LRRC7: variants seen among roughly 807,000 people sequenced by gnomAD.
LRRC7 encodes leucine-rich repeat-containing protein 7.
Under a neutral mutation model 175.7 loss-of-function variants are expected in LRRC7, and 23 were observed. That is an observed-to-expected ratio of 0.13 (90% CI 0.09 to 0.19). LRRC7 has a LOEUF of 0.19. Among genes scored for constraint, LRRC7 ranks in the 10% least tolerant of loss-of-function variants. The pLI is 1.00. For synonymous variants in LRRC7, 685 were observed against 680.9 expected (o/e 1.01, Z -0.09); for missense variants, 1,354 against 1,904.7 (o/e 0.71, Z 5.38).
intron 7 of LRRC7, among the ~76,000 whole-genome samples, chr1:69,878,028 G>A (rs2101601766): frequency 1.3e-5 from 2 of 152,226 alleles, no homozygotes; most frequent in South Asian, 4.1e-4. Flanking sequence ...GAGTCAGCTG[G>A]AGTAGAAGAA....
At chr1:69,684,361 G>A (rs1570343761) in intron 2 of LRRC7, among the ~76,000 whole-genome samples, 4 of 144,962 alleles carry the variant, frequency 2.8e-5, no homozygotes, top group African/African-American at 7.5e-5. Flanking sequence ...AAAAAGATGG[G>A]TAGGGGAGAT....
Position 69,887,282 on chromosome 1 carries a change from C to T in LRRC7, c.648-44225C>T, listed in dbSNP as rs1241787702. ...ATCAGACGTAGATTTGGTCTTTTCA[C>T]ATAGTCCCATATTTCTTGGAGGCTT... On this transcript the variant is annotated intron_variant, in intron 7 of 26. Transcript: ENST00000651989. Among the ~76,000 whole-genome samples the T allele has an allele frequency of 9.4e-5, 12 of 127,102 alleles. No homozygotes were observed. The South Asian group carries it at 3.0e-3, about 31-fold the overall frequency. 83.4% of individuals were successfully genotyped at this position (127,102 alleles called of 152,430 possible). A position where few individuals can be genotyped will look rare whatever the true frequency, so the allele number is the denominator to read the frequency against.
chr1:69,755,348 AC>A (rs1670293397), intron 2 of LRRC7, among the ~76,000 whole-genome samples: 1 of 150,152 alleles, frequency 6.7e-6, no homozygotes, highest in African/African-American at 2.5e-5. Flanking sequence ...ATATACACAC[AC>A]ATATATATAT....
intron 8 of LRRC7, among the ~76,000 whole-genome samples, chr1:69,949,940 C>T (rs1175426291): frequency 6.6e-6 from 1 of 151,994 alleles, no homozygotes; most frequent in Non-Finnish European, 1.5e-5. Flanking sequence ...ATTGAATCTA[C>T]TTCGTGTCTT....
At chr1:70,046,704 T>C (rs1197158660) in intron 22 of LRRC7, among the ~76,000 whole-genome samples, 1 of 152,130 alleles carries the variant, frequency 6.6e-6, no homozygotes, top group African/African-American at 2.4e-5. Context: ...ACTGGATAGT[T>C]AATCAGCTGC....
Position 69,719,143 on chromosome 1 carries a change from G to T in LRRC7, c.100+40665G>T, listed in dbSNP as rs180856332. ...ATTCAATTTAAAGTATGTTAGTTAA[G>T]GAAGTGTTATTCTTGCGTAATCCCA... On this transcript the variant is annotated intron_variant, in intron 2 of 26. Coordinates refer to ENST00000651989, the MANE Select transcript of LRRC7 (RefSeq NM_001370785.2). Among the ~76,000 whole-genome samples the T allele has an allele frequency of 1.8e-4, 27 of 151,818 alleles. No individual in the cohort carries two copies. The East Asian group carries it at 4.6e-3, about 26-fold the overall frequency.
chr1:69,711,078 A>C (rs527301765), intron 2 of LRRC7, among the ~76,000 whole-genome samples: 2 of 152,298 alleles, frequency 1.3e-5, no homozygotes, highest in African/African-American at 4.8e-5. Flanking sequence ...TGATTCTTAC[A>C]GGCTGAGCAG....
intron 23 of LRRC7, among the ~76,000 whole-genome samples, chr1:70,060,680 A>C (rs993443339): frequency 6.6e-6 from 1 of 152,226 alleles, no homozygotes; most frequent in Non-Finnish European, 1.5e-5. Context: ...GCAGATATGA[A>C]AATCAACCAG....
intron 3 of LRRC7, among the ~76,000 whole-genome samples, chr1:69,788,273 C>T (rs1380561222): frequency 6.6e-6 from 1 of 152,128 alleles, no homozygotes; most frequent in Non-Finnish European, 1.5e-5. Flanking sequence ...TGTTATTTTT[C>T]TTGTTATTCT....
At chr1:69,579,385 C>T (rs990087001) in intron 1 of LRRC7, among the ~76,000 whole-genome samples, 2 of 152,032 alleles carry the variant, frequency 1.3e-5, no homozygotes, top group African/African-American at 4.8e-5. Context: ...AAAGGTTAAA[C>T]CTTTAAACTG....
intron 8 of LRRC7, among the ~76,000 whole-genome samples, chr1:69,948,856 C>T (rs190083189): frequency 6.7e-4 from 102 of 152,260 alleles, no homozygotes; most frequent in African/African-American, 2.3e-3. Flanking sequence ...AGTGCTGTTT[C>T]GATTGTGCCA....
At chr1:69,962,757 T>C (rs574711775) in intron 8 of LRRC7, among the ~76,000 whole-genome samples, 186 of 152,154 alleles carry the variant, frequency 1.2e-3, no homozygotes, top group African/African-American at 4.3e-3. Flanking sequence ...TTCTCACTTA[T>C]AAGTGGGAGC....
intron 3 of LRRC7, among the ~76,000 whole-genome samples, chr1:69,785,758 C>A (rs1674336393): frequency 6.6e-6 from 1 of 151,808 alleles, no homozygotes; most frequent in Non-Finnish European, 1.5e-5. Flanking sequence ...TGCCTTCCTC[C>A]CAAACAATGA....
At chr1:69,721,415 C>T (rs1016258612) in intron 2 of LRRC7, among the ~76,000 whole-genome samples, 10 of 151,048 alleles carry the variant, frequency 6.6e-5, no homozygotes, top group Non-Finnish European at 1.2e-4. Context: ...TTTCTGTCTC[C>T]ATAATTTTGT....
intron 2 of LRRC7, among the ~76,000 whole-genome samples, chr1:69,718,164 G>GAAAGAAAGAAAGAAAGAAAGA: frequency 6.7e-6 from 1 of 149,682 alleles, no homozygotes; most frequent in Middle Eastern, 3.4e-3. Flanking sequence ...AAGAAAGAAA[G>GAAAGAAAGAAAGAAAGAAAGA]AAAGAAAGAA....
Position 69,722,151 on chromosome 1 carries a change from A to T in LRRC7, c.101-38040A>T, listed in dbSNP as rs553653556. Among the ~76,000 whole-genome samples the T allele has an allele frequency of 2.9e-4, 44 of 152,026 alleles. No homozygotes were observed. In the East Asian group the frequency reaches 6.4e-3, roughly 22 times the overall value. Reference sequence around the variant, plus strand: ...AGCCTATGTACACATATATATATATATATTTTCTCCTTTTCCATAGAAATT... The same window carrying T: ...AGCCTATGTACACATATATATATATTTATTTTCTCCTTTTCCATAGAAATT... On this transcript the variant is annotated intron_variant, in intron 2 of 26. Transcript: ENST00000651989.
rs1423965467 is a variant in LRRC7, at chr1:70,036,596, G to A, written c.2260G>A (p.Ala754Thr). ...GTCCTTGCAGACAACAGCTAAAGAT[G>A]CAGTACATAATTCTTTGTGGGGTAA... is the stretch of plus-strand genomic sequence containing the variant. ...VGSLQTTAKDAVHNSLWGNRI... is the reference protein window; with the variant it reads ...VGSLQTTAKDTVHNSLWGNRI... Residue 754 changes from alanine (A) to threonine (T), a missense_variant, in exon 20 of 27, where the codon GCA (alanine) becomes ACA (threonine). Coordinates refer to ENST00000651989, the MANE Select transcript of LRRC7 (RefSeq NM_001370785.2). The A allele has an allele frequency of 1.4e-5, 22 of 1,613,582 alleles. No homozygotes were observed. The highest frequency in any genetic ancestry group is 1.7e-5 in the Non-Finnish European group (20 of 1,179,852).
rs189710704 is a variant in LRRC7, at chr1:69,826,276, C to G, written c.500+450C>G. On this transcript the variant is annotated intron_variant, in intron 5 of 26. Coordinates refer to ENST00000651989, the MANE Select transcript of LRRC7 (RefSeq NM_001370785.2). ...ACCAGAAATAGAAAGTACTTGTATA[C>G]CAGAGATTGCAGCAAGAACAAAGAG... Among the ~76,000 whole-genome samples the G allele has an allele frequency of 1.2e-3, 183 of 152,006 alleles. 1 individual carries two copies. Among genetic ancestry groups the G allele is most frequent in the Admixed American group, 2.9e-3 (44 of 15,236 alleles).
In LRRC7 at chr1:69,611,775, G is replaced by A. The variant is rs116187862; in HGVS notation, c.2+43134G>A. Among the ~76,000 whole-genome samples, 385 of 152,118 alleles carry A rather than the reference G, an allele frequency of 2.5e-3. 2 individuals carry two copies. Among genetic ancestry groups the A allele is most frequent in the Middle Eastern group, 6.8e-3 (2 of 294 alleles). On this transcript the variant is annotated intron_variant, in intron 1 of 26. Transcript: ENST00000651989. ...AACAGTGGAATCTCCAATAAAAAAA[G>A]CACAGGAAGCAACAATGTGGCACTA...
Sources: gnomAD v4.1 joint callset for allele counts (sites outside exome capture counted in the v4.1 genomes callset) on GRCh38, gnomAD v4.1.1 for gene constraint, MANE v1.5 for transcripts, NCBI Gene and HGNC (gene_info 2026-07-23, HGNC 2026-07-21) for gene names.